FOXP1: variants seen among roughly 807,000 people sequenced by gnomAD.
FOXP1 encodes forkhead box protein P1.
Under a neutral mutation model 98.2 loss-of-function variants are expected in FOXP1, and 15 were observed. The observed-to-expected ratio is 0.15, with a 90% CI of 0.10 to 0.24. FOXP1 has a LOEUF of 0.24. FOXP1 is among the 10% of genes least tolerant of loss of function. FOXP1 has a pLI of 1.00. For synonymous variants in FOXP1, 371 were observed against 314.5 expected (o/e 1.18, Z -1.90); for missense variants, 633 against 848.5 (o/e 0.75, Z 3.15).
intron 2 of FOXP1, among the ~76,000 whole-genome samples, chr3:71,511,493 T>TA (rs1318511277): frequency 1.5e-5 from 2 of 137,530 alleles, no homozygotes; most frequent in Admixed American, 1.4e-4. Flanking sequence ...GTTGTAGAAT[T>TA]AATAAAAAAA....
chr3:71,307,752 A>G (rs1386005679), intron 4 of FOXP1, among the ~76,000 whole-genome samples: 2 of 152,202 alleles, frequency 1.3e-5, no homozygotes, highest in Non-Finnish European at 2.9e-5. Context: ...CAGCTCATCT[A>G]TATCTCATAC....
intron 3 of FOXP1, among the ~76,000 whole-genome samples, chr3:71,391,952 G>A (rs1195465160): frequency 6.6e-6 from 1 of 152,092 alleles, no homozygotes; most frequent in Non-Finnish European, 1.5e-5. Flanking sequence ...GACAGCTCAC[G>A]GATGCTGGAT....
At chr3:71,381,829 A>G (rs1368992273) in intron 3 of FOXP1, among the ~76,000 whole-genome samples, 1 of 152,176 alleles carries the variant, frequency 6.6e-6, no homozygotes, top group Non-Finnish European at 1.5e-5. Flanking sequence ...AGATTCTACC[A>G]ACACTTATTT....
chr3:71,382,389 G>T (rs2080250858), intron 3 of FOXP1, among the ~76,000 whole-genome samples: 1 of 152,192 alleles, frequency 6.6e-6, no homozygotes, highest in Non-Finnish European at 1.5e-5. Flanking sequence ...TGACATATGG[G>T]AAGTCATGGG....
At chr3:71,519,628 T>A (rs372005222) in intron 2 of FOXP1, among the ~76,000 whole-genome samples, 1 of 152,224 alleles carries the variant, frequency 6.6e-6, no homozygotes, top group South Asian at 2.1e-4. Context: ...TAAGTTGGGG[T>A]CACTTTATTT....
intron 6 of FOXP1, among the ~76,000 whole-genome samples, chr3:71,184,919 G>A (rs1377098227): frequency 6.6e-6 from 1 of 152,180 alleles, no homozygotes; most frequent in Non-Finnish European, 1.5e-5. Context: ...GAGGCTGGGT[G>A]TGGTGGCTCA....
intron 3 of FOXP1, among the ~76,000 whole-genome samples, chr3:71,484,076 T>C (rs899947928): frequency 5.3e-5 from 8 of 152,280 alleles, no homozygotes; most frequent in African/African-American, 1.9e-4. Flanking sequence ...TGATACCTTT[T>C]TAAAGCAGCA....
At chr3:71,291,712 A>ATTTTTTTTTTTTTTTTTTTTTTT (rs11438381) in intron 5 of FOXP1, among the ~76,000 whole-genome samples, 1 of 125,200 alleles carries the variant, frequency 8.0e-6, no homozygotes, top group South Asian at 2.6e-4. Flanking sequence ...CTTATTCTGT[A>ATTTTTTTTTTTTTTTTTTTTTTT]TTTTTTTTTT....
intron 5 of FOXP1, among the ~76,000 whole-genome samples, chr3:71,276,955 CTTTTTTTTTTTT>C (rs34014285): frequency 1.5e-5 from 2 of 129,480 alleles, no homozygotes; most frequent in African/African-American, 5.8e-5. Context: ...AGTAGATCAA[CTTTTTTTTTTTT>C]TTTTTTTTAG....
chr3:70,976,376 A>G (rs1004848468), intron 17 of FOXP1, among the ~76,000 whole-genome samples: 3 of 152,128 alleles, frequency 2.0e-5, no homozygotes, highest in Non-Finnish European at 1.5e-5. Context: ...ACTTAAAACC[A>G]AAAAAAGAAA....
At chr3:71,249,309 T>C (rs1218945382) in intron 5 of FOXP1, among the ~76,000 whole-genome samples, 2 of 152,216 alleles carry the variant, frequency 1.3e-5, no homozygotes, top group African/African-American at 4.8e-5. Context: ...ATCAATTCAG[T>C]CAGCCTTTCT....
intron 20 of FOXP1, among the ~76,000 whole-genome samples, chr3:70,961,074 C>T (rs907742243): frequency 4.0e-5 from 6 of 151,702 alleles, no homozygotes; most frequent in South Asian, 2.1e-4. Context: ...CCTCGTGATC[C>T]GCCCGCCTTG....
intron 2 of FOXP1, among the ~76,000 whole-genome samples, chr3:71,500,003 T>C (rs2041215330): frequency 6.6e-6 from 1 of 152,180 alleles, no homozygotes; most frequent in African/African-American, 2.4e-5. Context: ...TCTAATAAAG[T>C]TCTGGTAAAA....
chr3:71,259,427 A>G (rs1432259010), intron 5 of FOXP1, among the ~76,000 whole-genome samples: 1 of 152,212 alleles, frequency 6.6e-6, no homozygotes, highest in African/African-American at 2.4e-5. Flanking sequence ...GGCACATACA[A>G]AGTGTTTGGT....
chr3:71,582,745 A>T (rs544537172), intron 1 of FOXP1: 2 of 984,890 alleles, frequency 2.0e-6, no homozygotes, highest in African/African-American at 3.5e-5. Flanking sequence ...GGGAAAGCGG[A>T]GGCCGAGCGC....
intron 4 of FOXP1, among the ~76,000 whole-genome samples, chr3:71,357,013 A>G (rs1313692355): frequency 6.6e-6 from 1 of 152,182 alleles, no homozygotes; most frequent in Non-Finnish European, 1.5e-5. Context: ...TCCCACGGTA[A>G]GCTTTCAGCA....
intron 6 of FOXP1, among the ~76,000 whole-genome samples, chr3:71,170,232 C>T (rs1428819616): frequency 6.6e-6 from 1 of 152,154 alleles, no homozygotes; most frequent in Non-Finnish European, 1.5e-5. Context: ...TCTTATATTG[C>T]TATTTAAAGT....
chr3:71,216,496 T>C (rs2064942389), intron 5 of FOXP1, among the ~76,000 whole-genome samples: 3 of 152,170 alleles, frequency 2.0e-5, no homozygotes, highest in South Asian at 2.1e-4. Context: ...GTGCTTCAGG[T>C]AAGCCCTCAA....
At chr3:71,092,209 A>G (rs545776713) in intron 7 of FOXP1, among the ~76,000 whole-genome samples, 18 of 151,080 alleles carry the variant, frequency 1.2e-4, no homozygotes, top group Admixed American at 1.2e-3. Flanking sequence ...ACAAAAAACA[A>G]AAAAAAACAA....
Sources: gnomAD v4.1 joint callset for allele counts (sites outside exome capture counted in the v4.1 genomes callset) on GRCh38, gnomAD v4.1.1 for gene constraint, MANE v1.5 for transcripts, NCBI Gene and HGNC (gene_info 2026-07-23, HGNC 2026-07-21) for gene names.